Variants in NAA35 observed in about 807,000 individuals in gnomAD.
The protein encoded by NAA35 is N-alpha-acetyltransferase 35, NatC auxiliary subunit, also known as MAK10 homolog, amino-acid N-acetyltransferase subunit.
A neutral mutation model predicts 101.7 loss-of-function variants in NAA35; 18 were observed. The ratio of observed to expected loss-of-function variants is 0.18; its 90% confidence interval spans 0.12 to 0.26. NAA35 has a LOEUF of 0.26. Among genes scored for constraint, NAA35 ranks in the 10% least tolerant of loss-of-function variants. NAA35 has a pLI of 1.00. For synonymous variants in NAA35, 267 were observed against 273.1 expected (o/e 0.98, Z 0.22); for missense variants, 601 against 886.8 (o/e 0.68, Z 4.09).
chr9:85,978,438 A>T, intron 11 of NAA35, 57 bp downstream of exon 11: 1 of 1,229,824 alleles, frequency 8.1e-7, no homozygotes, highest in Non-Finnish European at 1.2e-6. Context: ...CAAAATATTT[A>T]GTGCTTAGCT....
At chr9:85,955,765 A>G (rs1017484821) in intron 2 of NAA35, among the ~76,000 whole-genome samples, 1 of 152,040 alleles carries the variant, frequency 6.6e-6, no homozygotes, top group Non-Finnish European at 1.5e-5. Context: ...ATAGGTCCCA[A>G]CTCTAGATTT....
In NAA35 at chr9:85,996,487, G is replaced by C. The variant is rs1292395648; in HGVS notation, c.966G>C (p.Arg322Ser). The C allele has an allele frequency of 6.2e-7, 1 of 1,607,724 alleles. No homozygotes were observed. Among genetic ancestry groups the C allele is most frequent in the Non-Finnish European group, 8.5e-7 (1 of 1,177,792 alleles). The change falls in exon 12 of 23, where the codon AGG becomes AGC. Residue 322 changes from arginine to serine, a missense_variant. Transcript: ENST00000361671. ...TFPRYAKIIK[R>S]EEMVNYFARL... ...CTCGATATGCAAAAATAATTAAAAGGGAAGAAATGGTGAACTATTTTGCAA... is the reference window on the plus strand; with the variant it reads ...CTCGATATGCAAAAATAATTAAAAGCGAAGAAATGGTGAACTATTTTGCAA...
intron 13 of NAA35, among the ~76,000 whole-genome samples, chr9:86,004,161 G>T (rs1393674530): frequency 6.6e-6 from 1 of 152,154 alleles, no homozygotes; most frequent in Non-Finnish European, 1.5e-5. Flanking sequence ...CTGGAGTGCA[G>T]TGGCATGCTC....
intron 6 of NAA35, among the ~76,000 whole-genome samples, chr9:85,974,716 A>G (rs767328914): frequency 2.8e-4 from 43 of 152,206 alleles, no homozygotes; most frequent in Non-Finnish European, 5.9e-5. Flanking sequence ...AAGTGAACGT[A>G]TTAAATTGCC....
intron 4 of NAA35, among the ~76,000 whole-genome samples, chr9:85,959,428 G>C (rs1234722253): frequency 6.7e-6 from 1 of 149,550 alleles, no homozygotes; most frequent in African/African-American, 2.4e-5. Flanking sequence ...AAGTAGTTTT[G>C]GGTCATTAAA....
At chr9:85,975,993 T>G (rs1830192926) in intron 8 of NAA35, among the ~76,000 whole-genome samples, 1 of 152,200 alleles carries the variant, frequency 6.6e-6, no homozygotes, top group South Asian at 2.1e-4. Flanking sequence ...TATGACAGTA[T>G]GGTTGTCAAA....
intron 9 of NAA35, 23 bp from the exon 10 acceptor site, chr9:85,977,340 T>A (rs1830255537): frequency 6.4e-7 from 1 of 1,555,094 alleles, no homozygotes; most frequent in Non-Finnish European, 8.9e-7. Flanking sequence ...CTTTTAACTT[T>A]TAGTCCTTTC....
At chr9:85,993,073 C>G (rs4877956) in intron 11 of NAA35, among the ~76,000 whole-genome samples, 26,754 of 152,156 alleles carry the variant, frequency 0.18, 2,414 homozygotes, top group Middle Eastern at 0.26. Flanking sequence ...CTGATACATG[C>G]AACATAATGG....
At chr9:86,014,870 GTATT>G (rs1832125314) in intron 17 of NAA35, among the ~76,000 whole-genome samples, 1 of 152,034 alleles carries the variant, frequency 6.6e-6, no homozygotes, top group Admixed American at 6.6e-5. Flanking sequence ...TTACTAACAG[GTATT>G]TATATAGCTA....
intron 6 of NAA35, among the ~76,000 whole-genome samples, chr9:85,969,076 C>G (rs1829886559): frequency 6.6e-6 from 1 of 152,172 alleles, no homozygotes; most frequent in Admixed American, 6.5e-5. Flanking sequence ...GTCTGCATCA[C>G]TGTGTGCTAT....
chr9:85,958,642 A>G (rs958347418), intron 4 of NAA35, 56 bp downstream of exon 4: 2 of 1,116,570 alleles, frequency 1.8e-6, no homozygotes, highest in Non-Finnish European at 2.6e-6. Flanking sequence ...TTCCTGTTAA[A>G]ACATGGTGCT....
At chr9:85,946,888 G>A (rs573754477) in intron 2 of NAA35, among the ~76,000 whole-genome samples, 2 of 152,026 alleles carry the variant, frequency 1.3e-5, no homozygotes, top group African/African-American at 4.8e-5. Context: ...TAGTACTTTA[G>A]GAAAATTCCT....
At position 86,023,454 on chromosome 9, in the gene NAA35, A is replaced by G. The variant is rs911091500; in HGVS notation, c.*1494A>G. Among the ~76,000 whole-genome samples, 2 of 152,236 alleles carry G rather than the reference A, an allele frequency of 1.3e-5. No homozygotes were observed. Among genetic ancestry groups the G allele is most frequent in the Non-Finnish European group, 2.9e-5 (2 of 68,042 alleles). On this transcript the variant is annotated 3_prime_UTR_variant, in exon 23 of 23. Coordinates refer to ENST00000361671, the MANE Select transcript of NAA35 (RefSeq NM_024635.4). ...ATCAAAAGAAAAAGCAAAGAGGAAA[A>G]CAGAATGAGCATGGACATTTGGCAA...
chr9:85,972,816 A>G (rs977131274), intron 6 of NAA35, among the ~76,000 whole-genome samples: 20 of 152,204 alleles, frequency 1.3e-4, no homozygotes, highest in African/African-American at 4.8e-4. Flanking sequence ...TTTATTGAAT[A>G]GAAGTCTGTT....
intron 17 of NAA35, chr9:86,014,403 A>G: frequency 1.0e-6 from 1 of 970,536 alleles, no homozygotes; most frequent in Non-Finnish European, 1.2e-6. Context: ...TTGCGGACAA[A>G]ATAAACCTAG....
At chr9:85,976,845 T>C (rs1453825713) in intron 9 of NAA35, 110 bp downstream of exon 9, 4 of 780,998 alleles carry the variant, frequency 5.1e-6, no homozygotes, top group African/African-American at 3.6e-5. Context: ...GGTATTTCTT[T>C]AAAAATTGGA....
At chr9:85,984,024 CAAA>C (rs146695687) in intron 11 of NAA35, among the ~76,000 whole-genome samples, 4 of 103,028 alleles carry the variant, frequency 3.9e-5, no homozygotes, top group Admixed American at 1.0e-4. Context: ...AAAATAGAAG[CAAA>C]AAAAAAAAAA....
intron 8 of NAA35, among the ~76,000 whole-genome samples, chr9:85,975,462 CTT>C (rs1830172783): frequency 2.0e-5 from 3 of 152,084 alleles, no homozygotes; most frequent in Admixed American, 2.0e-4. Context: ...GCTCAAGTCT[CTT>C]ATATACAATG....
chr9:85,951,111 C>T (rs528534074), intron 2 of NAA35, among the ~76,000 whole-genome samples: 203 of 148,024 alleles, frequency 1.4e-3, no homozygotes, highest in African/African-American at 4.6e-3. Context: ...GCACTCCAGC[C>T]GGGGCGACAG....
Sources: gnomAD v4.1 joint callset for allele counts (sites outside exome capture counted in the v4.1 genomes callset) on GRCh38, gnomAD v4.1.1 for gene constraint, MANE v1.5 for transcripts, NCBI Gene and HGNC (gene_info 2026-07-23, HGNC 2026-07-21) for gene names.